Variants in LARP4B observed in about 807,000 individuals in gnomAD.
LARP4B encodes la-related protein 4B.
In LARP4B, 12 loss-of-function variants were observed where a neutral mutation model predicts 89.8. The observed-to-expected ratio is 0.13, with a 90% CI of 0.09 to 0.22. The LOEUF is 0.22. Among genes scored for constraint, LARP4B ranks in the 10% least tolerant of loss-of-function variants. The pLI, the probability that LARP4B is intolerant of heterozygous loss-of-function variation, is 1.00. For synonymous variants in LARP4B, 367 were observed against 363.3 expected (o/e 1.01, Z -0.12); for missense variants, 757 against 947.7 (o/e 0.80, Z 2.64).
upstream of LARP4B, among the ~76,000 whole-genome samples, chr10:935,984 T>C (rs956715130): frequency 2.0e-5 from 3 of 151,966 alleles, no homozygotes; most frequent in African/African-American, 7.3e-5. Flanking sequence ...CCTCAAGTAA[T>C]CTACCTGCCT....
chr10:974,214 G>A, the LARP4B span, among the ~76,000 whole-genome samples: 1 of 152,128 alleles, frequency 6.6e-6, no homozygotes, highest in Non-Finnish European at 1.5e-5. Flanking sequence ...GAGGGGCAGT[G>A]GTCAAGGTCC....
the LARP4B span, among the ~76,000 whole-genome samples, chr10:969,988 T>C: frequency 6.6e-6 from 1 of 152,172 alleles, no homozygotes; most frequent in African/African-American, 2.4e-5. Context: ...GACTGACGCC[T>C]GCAGGAGGTC....
At chr10:818,568 G>T (rs1832183433) in intron 14 of LARP4B, 1 of 152,202 alleles carries the variant, frequency 6.6e-6, no homozygotes, top group African/African-American at 2.4e-5. Flanking sequence ...AGTGTACTTT[G>T]TAAGCCCAAA....
the LARP4B span, among the ~76,000 whole-genome samples, chr10:966,573 G>A: frequency 6.6e-6 from 1 of 152,256 alleles, no homozygotes; most frequent in African/African-American, 2.4e-5. Flanking sequence ...GCCGAAGGCT[G>A]GTGGAGCTGC....
chr10:807,702 G>A (rs539393733), downstream of LARP4B: 2 of 152,548 alleles, frequency 1.3e-5, no homozygotes, highest in South Asian at 4.1e-4. Flanking sequence ...CGGCTGGCCT[G>A]GCATATATGC....
At chr10:857,818 G>A (rs1834387054) in intron 5 of LARP4B, among the ~76,000 whole-genome samples, 1 of 152,052 alleles carries the variant, frequency 6.6e-6, no homozygotes, top group African/African-American at 2.4e-5. Flanking sequence ...GATCTATCCT[G>A]GACTTTATAC....
chr10:830,190 C>T (rs547197510), intron 9 of LARP4B, among the ~76,000 whole-genome samples: 1 of 152,144 alleles, frequency 6.6e-6, no homozygotes, highest in Non-Finnish European at 1.5e-5. Context: ...CTACATTAAA[C>T]CCCTATAAAA....
chr10:968,957 A>G, the LARP4B span, among the ~76,000 whole-genome samples: 1 of 152,234 alleles, frequency 6.6e-6, no homozygotes, highest in Non-Finnish European at 1.5e-5. Flanking sequence ...CCCCGGAACA[A>G]CAGCTATTCT....
chr10:940,867 G>T, the LARP4B span, among the ~76,000 whole-genome samples: 2 of 151,722 alleles, frequency 1.3e-5, no homozygotes, highest in African/African-American at 4.9e-5. Flanking sequence ...AGAAGCAGAG[G>T]TTGACCTAAA....
intron 1 of LARP4B, among the ~76,000 whole-genome samples, chr10:920,150 CT>C (rs1836940582): frequency 6.6e-6 from 1 of 152,168 alleles, no homozygotes; most frequent in Non-Finnish European, 1.5e-5. Context: ...GAGGGTGCGC[CT>C]TAACAGCGAC....
chr10:950,779 T>C, the LARP4B span, among the ~76,000 whole-genome samples: 1 of 152,202 alleles, frequency 6.6e-6, no homozygotes, highest in Non-Finnish European at 1.5e-5. Flanking sequence ...TTCATTTTGG[T>C]ATCTTTGTAT....
intron 5 of LARP4B, among the ~76,000 whole-genome samples, chr10:847,671 C>T (rs955221947): frequency 6.6e-6 from 1 of 152,036 alleles, no homozygotes. Flanking sequence ...GGATTACAGG[C>T]GCACACCACC....
intron 1 of LARP4B, among the ~76,000 whole-genome samples, chr10:930,013 G>A (rs1326071143): frequency 6.6e-6 from 1 of 151,632 alleles, no homozygotes; most frequent in Non-Finnish European, 1.5e-5. Context: ...AAACTGAAAA[G>A]CCACAACGAT....
chr10:871,145 T>G (rs1835179858), intron 3 of LARP4B, among the ~76,000 whole-genome samples: 1 of 152,236 alleles, frequency 6.6e-6, no homozygotes, highest in African/African-American at 2.4e-5. Context: ...TGATTCTTTT[T>G]CACTACCTTC....
intron 15 of LARP4B, chr10:815,324 G>A (rs999099915): frequency 2.2e-5 from 7 of 315,902 alleles, no homozygotes; most frequent in Non-Finnish European, 3.5e-5. Flanking sequence ...CCGCAATGAT[G>A]ATCTACAAGC....
At chr10:860,127 TGG>T (rs60607691) in intron 5 of LARP4B, among the ~76,000 whole-genome samples, 1 of 96,206 alleles carries the variant, frequency 1.0e-5, no homozygotes, top group African/African-American at 4.1e-5. Context: ...TGTGTGGGGG[TGG>T]GGGGGAGGGG....
intron 1 of LARP4B, among the ~76,000 whole-genome samples, chr10:912,330 A>G (rs1047124404): frequency 1.3e-5 from 2 of 152,156 alleles, no homozygotes; most frequent in Admixed American, 1.3e-4. Flanking sequence ...GCAAAAAAAA[A>G]AAATCTTCAT....
chr10:942,343 C>T, the LARP4B span: 3 of 152,224 alleles, frequency 2.0e-5, no homozygotes, highest in African/African-American at 7.2e-5. Context: ...TTCCCAGGAT[C>T]CCGATCCCTC....
At chr10:818,067 G>A in intron 14 of LARP4B, 178 bp from the exon 15 acceptor site, 1 of 581,404 alleles carries the variant, frequency 1.7e-6, no homozygotes, top group East Asian at 2.9e-5. Context: ...GAGCAGAGCT[G>A]TAAAACTGAA....
Sources: allele counts gnomAD v4.1 joint callset (sites outside exome capture counted in the v4.1 genomes callset), GRCh38; gene constraint gnomAD v4.1.1; transcripts MANE v1.5; gene names NCBI Gene and HGNC (gene_info 2026-07-23, HGNC 2026-07-21).